Variants in FRYL observed in about 807,000 individuals in gnomAD.
FRYL encodes protein furry homolog-like.
A neutral mutation model predicts 351.2 loss-of-function variants in FRYL; 150 were observed. The ratio of observed to expected loss-of-function variants is 0.43; its 90% CI spans 0.37 to 0.49. The LOEUF is 0.49. Ranked by LOEUF, FRYL falls within the 20% of genes least tolerant of loss-of-function variation. FRYL has a pLI of 0.00. For missense variants in FRYL, 3,036 were observed against 3,619.3 expected (o/e 0.84, Z 4.13); for synonymous variants, 1,153 against 1,257.1 (o/e 0.92, Z 1.75).
intron 3 of FRYL, 94 bp from the exon 4 acceptor site, chr4:48,634,584 C>A: frequency 1.2e-6 from 1 of 836,780 alleles, no homozygotes; most frequent in Non-Finnish European, 1.8e-6. Flanking sequence ...CTGCCTCTAA[C>A]CCTCAACCAG....
chr4:48,701,246 TATTTA>T (rs1766684507), intron 2 of FRYL, among the ~76,000 whole-genome samples: 1 of 152,168 alleles, frequency 6.6e-6, no homozygotes, highest in Admixed American at 6.6e-5. Context: ...CAAAAACAAC[TATTTA>T]ATTCAAGAGG....
chr4:48,564,089 C>A lies in FRYL; in HGVS notation c.3455G>T (p.Gly1152Val), dbSNP rs1736176523. Residue 1152 changes from glycine (G) to valine (V), a missense_variant, in exon 31 of 64, where the codon GGC (glycine) becomes GTC (valine). Physicochemically the swap from Gly to Val is moderately radical, Grantham distance 109. This residue lies in a region of FRYL where 1,987 missense variants were observed against 2,311.7 expected (regional missense o/e 0.86). Transcript: ENST00000358350. ...DSLDKKVHQL[G>V]CEAVTLLLEL... ...CAGTAACAACGTAACTGCTTCACAG[C>A]CCAGCTGGTGAACCTAGGTAAAGGT... 6.2e-7 allele frequency: 1 copy of A among 1,613,562 alleles called. No individual in the cohort carries two copies. Among genetic ancestry groups the A allele is most frequent in the Non-Finnish European group, 8.5e-7 (1 of 1,179,902 alleles).
At chr4:48,645,000 G>T (rs1181422142) in intron 3 of FRYL, among the ~76,000 whole-genome samples, 2 of 150,466 alleles carry the variant, frequency 1.3e-5, no homozygotes, top group African/African-American at 4.9e-5. Flanking sequence ...TAAAGAAAAG[G>T]TGCCAAAAGA....
chr4:48,779,009 C>CA (rs1245329215), intron 1 of FRYL, among the ~76,000 whole-genome samples: 5 of 151,630 alleles, frequency 3.3e-5, no homozygotes, highest in South Asian at 4.2e-4. Context: ...ACCCCCACCC[C>CA]CTTTTTTTTC....
chr4:48,621,282 T>C (rs1750587483), intron 5 of FRYL, among the ~76,000 whole-genome samples: 1 of 152,232 alleles, frequency 6.6e-6, no homozygotes, highest in Non-Finnish European at 1.5e-5. Flanking sequence ...ATTACTCTGC[T>C]ATCTGCAAAT....
At position 48,564,954 on chromosome 4, in the gene FRYL, A is replaced by C; in HGVS notation, c.3420T>G (p.Ile1140Met). ...TTACCTTTTTGTCCAGAGAATCCAA[A>C]ATGTTATCCAACCATTTGTACAAAT... ...DGYLYKWLDNILDSLDKKVHQ... is the reference protein window; with the variant it reads ...DGYLYKWLDNMLDSLDKKVHQ... The change falls in exon 30 of 64, where the codon ATT becomes ATG. Residue 1140 changes from isoleucine to methionine, a missense_variant. By Grantham distance (10) the Ile-to-Met change is conservative. Around this residue, in one of 7 missense-constraint regions of FRYL, gnomAD observed 1,987 missense variants for 2,311.7 expected, o/e 0.86. Transcript: ENST00000358350. The C allele has an allele frequency of 6.3e-7, 1 of 1,597,856 alleles. No individual in the cohort carries two copies. Among genetic ancestry groups the C allele is most frequent in the Non-Finnish European group, 8.6e-7 (1 of 1,168,050 alleles).
At position 48,547,627 on chromosome 4, in the gene FRYL, C is replaced by A; in HGVS notation, c.5031G>T (p.Val1677=). ...AGTGTGCAACTTGTTTGACTGTAAG[C>A]ACCCTGGGCTCATTAAACTCCTTGT... is the stretch of plus-strand genomic sequence containing the variant. ...LRNKEFNEPR[V]LTVKQVAHLD... The change falls in exon 41 of 64, where the codon GTG becomes GTT. Residue 1677 remains valine, a synonymous_variant. Coordinates refer to ENST00000358350, the MANE Select transcript of FRYL (RefSeq NM_015030.2). The A allele has an allele frequency of 6.3e-7, 1 of 1,593,496 alleles. No homozygotes were observed. Among genetic ancestry groups the A allele is most frequent in the South Asian group, 1.1e-5 (1 of 87,538 alleles).
At chr4:48,597,836 C>A (rs953523175) in intron 13 of FRYL, among the ~76,000 whole-genome samples, 1 of 152,038 alleles carries the variant, frequency 6.6e-6, no homozygotes, top group Non-Finnish European at 1.5e-5. Context: ...ACCAAAAAGG[C>A]AAGGTGAGAA....
chr4:48,630,178 A>AT (rs1752676581), intron 4 of FRYL, among the ~76,000 whole-genome samples: 1 of 152,162 alleles, frequency 6.6e-6, no homozygotes, highest in Non-Finnish European at 1.5e-5. Flanking sequence ...CTGATGGTCC[A>AT]TTGACAGTAA....
intron 19 of FRYL, among the ~76,000 whole-genome samples, chr4:48,583,148 CA>C (rs1741278557): frequency 6.6e-6 from 1 of 151,834 alleles, no homozygotes; most frequent in South Asian, 2.1e-4. Flanking sequence ...CGATTTATCT[CA>C]ATCATTCTTT....
chr4:48,573,898 T>C (rs1738957676), intron 25 of FRYL, among the ~76,000 whole-genome samples: 1 of 152,202 alleles, frequency 6.6e-6, no homozygotes, highest in Non-Finnish European at 1.5e-5. Context: ...ATGCCAATAA[T>C]TAATTCATGA....
Position 48,549,243 on chromosome 4 carries a change from T to C in FRYL, c.4784+230A>G, listed in dbSNP as rs913822379. Among the ~76,000 whole-genome samples, 7 of 152,210 alleles carry C rather than the reference T, an allele frequency of 4.6e-5. No individual in the cohort carries two copies. The highest frequency in any genetic ancestry group is 1.7e-4 in the African/African-American group (7 of 41,450). On this transcript the variant is annotated intron_variant, in intron 39 of 63. Coordinates refer to ENST00000358350, the MANE Select transcript of FRYL (RefSeq NM_015030.2). This position sits in a 1 kb window ranked among gnomAD's most constrained non-coding sequence, Gnocchi z 4.2. ...GGGTCCCAGAAAGGTCAAGTAACTA[T>C]GCCAGACACCCAGAAAAGCAGCAGC...
At position 48,772,998 on chromosome 4, in the gene FRYL, A is replaced by T. The variant is rs1443452434; in HGVS notation, c.-384+7080T>A. Among the ~76,000 whole-genome samples the T allele has an allele frequency of 2.0e-4, 31 of 152,222 alleles. 1 individual carries two copies. ...TTCCTCCTGGAAAGATCAAGGAAGCACCAGCATCAAAGTGTCTTACATTTG... is the reference window on the plus strand; with the variant it reads ...TTCCTCCTGGAAAGATCAAGGAAGCTCCAGCATCAAAGTGTCTTACATTTG... On this transcript the variant is annotated intron_variant, in intron 1 of 63. Transcript: ENST00000358350.
chr4:48,515,186 C>T lies in FRYL; in HGVS notation c.7779G>A (p.Val2593=), dbSNP rs1438813182. The change falls in exon 56 of 64, where the codon GTG becomes GTA. Residue 2593 remains valine, a synonymous_variant. Coordinates refer to ENST00000358350, the MANE Select transcript of FRYL (RefSeq NM_015030.2). ...CTTCTAAATCAAGAATTCCTTGACACACAAGAGATTCCTGCTGTTCTTGAA... is the reference window on the plus strand; with the variant it reads ...CTTCTAAATCAAGAATTCCTTGACATACAAGAGATTCCTGCTGTTCTTGAA... The part of the protein sequence containing the change: ...YIIQEQQESL[V]CQGILDLEET... The T allele has an allele frequency of 6.2e-7, 1 of 1,613,838 alleles. No homozygotes were observed. Among genetic ancestry groups the T allele is most frequent in the Admixed American group, 1.7e-5 (1 of 60,020 alleles).
chr4:48,507,560 C>T (rs1192655036), intron 59 of FRYL, among the ~76,000 whole-genome samples: 6 of 116,550 alleles, frequency 5.1e-5, no homozygotes, highest in South Asian at 2.9e-4. Flanking sequence ...AGAAAAGTAC[C>T]GGAGTGAGCC....
chr4:48,645,856 C>T (rs1366907284), intron 3 of FRYL: 1 of 152,128 alleles, frequency 6.6e-6, no homozygotes, highest in Non-Finnish European at 1.5e-5. Context: ...TAATAGCCAT[C>T]AAGTAGTTCT....
At chr4:48,713,547 G>C (rs895096624) in intron 1 of FRYL, among the ~76,000 whole-genome samples, 2 of 152,110 alleles carry the variant, frequency 1.3e-5, no homozygotes, top group Non-Finnish European at 2.9e-5. Flanking sequence ...ACGGTAAAGG[G>C]ATCAATTCAA....
At chr4:48,663,663 T>C (rs1438397393) in intron 3 of FRYL, among the ~76,000 whole-genome samples, 3 of 149,506 alleles carry the variant, frequency 2.0e-5, no homozygotes, top group Non-Finnish European at 3.0e-5. Context: ...TAGTCCCAGC[T>C]ACTCGGGAGG....
intron 1 of FRYL, among the ~76,000 whole-genome samples, chr4:48,750,624 A>G (rs1416025044): frequency 6.6e-6 from 1 of 152,154 alleles, no homozygotes; most frequent in African/African-American, 2.4e-5. Flanking sequence ...TAAAAGAAGG[A>G]GCCTATAGGA....
Sources: gnomAD v4.1 joint callset for allele counts (sites outside exome capture counted in the v4.1 genomes callset) on GRCh38, gnomAD v4.1.1 for gene constraint, gnomAD v4.1.1 regional missense constraint, Gnocchi (gnomAD v3.1) non-coding constraint, MANE v1.5 for transcripts, NCBI Gene and HGNC (gene_info 2026-07-23, HGNC 2026-07-21) for gene names.